Variants in PRELID2 observed in about 807,000 individuals in gnomAD.
PRELID2 encodes PRELI domain containing 2.
In PRELID2, 25 loss-of-function variants were observed where a neutral mutation model predicts 28.4. The ratio of observed to expected loss-of-function variants is 0.88; its 90% CI spans 0.64 to 1.23. PRELID2 has a LOEUF of 1.23. Among genes scored for constraint, PRELID2 ranks in the 50% most tolerant of loss-of-function variants. The pLI is 0.00. For missense variants in PRELID2, 201 were observed against 214.4 expected (o/e 0.94, Z 0.39); for synonymous variants, 76 against 71.6 (o/e 1.06, Z -0.31).
At chr5:145,559,551 C>A (rs909804449) in intron 1 of PRELID2, among the ~76,000 whole-genome samples, 4 of 152,138 alleles carry the variant, frequency 2.6e-5, no homozygotes, top group African/African-American at 7.2e-5. Flanking sequence ...AGCAATGCAT[C>A]TTAAAATCTT....
chr5:145,740,905 T>A (rs1300307613), intron 1 of PRELID2, among the ~76,000 whole-genome samples: 4 of 77,732 alleles, frequency 5.1e-5, no homozygotes, highest in African/African-American at 1.4e-4. Flanking sequence ...TCGATAAATA[T>A]ATATGTACAT....
At chr5:145,821,191 T>TGTGTGTGTGTGTGTGTG (rs1561649985) in intron 2 of PRELID2, among the ~76,000 whole-genome samples, 1 of 31,400 alleles carries the variant, frequency 3.2e-5, no homozygotes, top group African/African-American at 1.0e-4. Flanking sequence ...GTAAGTCCTC[T>TGTGTGTGTGTGTGTGTG]TCTGTGTGTG....
At chr5:145,409,203 A>G in the PRELID2 span, among the ~76,000 whole-genome samples, 2 of 152,206 alleles carry the variant, frequency 1.3e-5, no homozygotes. Flanking sequence ...CAGCACTACA[A>G]GAAGTGCAAA....
intron 1 of PRELID2, among the ~76,000 whole-genome samples, chr5:145,609,562 G>A (rs1192263335): frequency 1.3e-5 from 2 of 152,236 alleles, no homozygotes; most frequent in African/African-American, 4.8e-5. Flanking sequence ...GGAGAAGATG[G>A]GGTTGCACCT....
At chr5:145,827,955 A>C (rs1027073553) in intron 1 of PRELID2, among the ~76,000 whole-genome samples, 1 of 152,246 alleles carries the variant, frequency 6.6e-6, no homozygotes, top group Non-Finnish European at 1.5e-5. Flanking sequence ...GGTTTTAAAA[A>C]GTATACTGTG....
the PRELID2 span, among the ~76,000 whole-genome samples, chr5:145,420,294 T>C: frequency 4.6e-5 from 7 of 152,170 alleles, no homozygotes; most frequent in African/African-American, 1.4e-4. Context: ...TTGATGGGGA[T>C]GGCATTGAAT....
chr5:145,742,232 A>C (rs2149742026), intron 1 of PRELID2, among the ~76,000 whole-genome samples: 1 of 140,934 alleles, frequency 7.1e-6, no homozygotes, highest in Admixed American at 7.3e-5. Context: ...ATATATAAAT[A>C]AAATATATTT....
intron 1 of PRELID2, among the ~76,000 whole-genome samples, chr5:145,657,305 A>AT (rs1460149730): frequency 6.6e-6 from 1 of 152,182 alleles, no homozygotes; most frequent in Non-Finnish European, 1.5e-5. Context: ...CGTGAGAAGA[A>AT]AAGTTTTCAA....
chr5:145,728,468 G>A, intron 1 of PRELID2: 1 of 649,162 alleles, frequency 1.5e-6, no homozygotes, highest in Non-Finnish European at 2.8e-6. Context: ...AGATTGAAGG[G>A]AACAGGAAGT....
intron 1 of PRELID2, among the ~76,000 whole-genome samples, chr5:145,523,328 T>C (rs901807442): frequency 2.0e-5 from 3 of 152,340 alleles, no homozygotes; most frequent in South Asian, 2.1e-4. Flanking sequence ...GCTAACATTT[T>C]AAATAAACAG....
At chr5:145,656,409 C>A (rs912778907) in intron 1 of PRELID2, among the ~76,000 whole-genome samples, 4 of 152,078 alleles carry the variant, frequency 2.6e-5, no homozygotes, top group African/African-American at 9.7e-5. Flanking sequence ...TGGGTATATT[C>A]CCAAAGGATT....
the PRELID2 span, among the ~76,000 whole-genome samples, chr5:145,266,586 T>C: frequency 8.3e-4 from 126 of 152,288 alleles, no homozygotes; most frequent in African/African-American, 3.0e-3. Flanking sequence ...TTTACACTGT[T>C]AGTGGGAATG....
intron 5 of PRELID2, among the ~76,000 whole-genome samples, chr5:145,790,524 G>A (rs766500355): frequency 1.3e-5 from 2 of 151,856 alleles, no homozygotes; most frequent in Admixed American, 6.6e-5. Context: ...AAAAAGTTTC[G>A]GTTAGACAGG....
chr5:145,257,793 T>G, the PRELID2 span, among the ~76,000 whole-genome samples: 19 of 152,086 alleles, frequency 1.2e-4, no homozygotes, highest in Non-Finnish European at 2.5e-4. Flanking sequence ...CAAACCAATC[T>G]CAAGTGCATA....
the PRELID2 span, among the ~76,000 whole-genome samples, chr5:145,352,872 C>T: frequency 6.6e-6 from 1 of 152,156 alleles, no homozygotes; most frequent in East Asian, 1.9e-4. Context: ...TAACAAGAAT[C>T]ACCTTTATTC....
chr5:145,265,210 T>C, the PRELID2 span, among the ~76,000 whole-genome samples: 1 of 151,526 alleles, frequency 6.6e-6, no homozygotes, highest in Non-Finnish European at 1.5e-5. Flanking sequence ...TTACCATAGC[T>C]GCAAAAAATA....
intron 1 of PRELID2, among the ~76,000 whole-genome samples, chr5:145,690,609 G>A (rs542814770): frequency 3.9e-4 from 60 of 152,286 alleles, no homozygotes; most frequent in Non-Finnish European, 7.5e-4. Flanking sequence ...TCCTGGTGCC[G>A]TCATTTGAGG....
At chr5:145,389,925 A>G in the PRELID2 span, among the ~76,000 whole-genome samples, 1 of 152,226 alleles carries the variant, frequency 6.6e-6, no homozygotes. Context: ...AATGCTAGTA[A>G]TTGTGTGGGA....
rs554046966 is a variant in PRELID2, at chr5:145,643,103, G to A, written n.70+121828C>T. Among the ~76,000 whole-genome samples the A allele has an allele frequency of 1.1e-4, 17 of 152,216 alleles. No homozygotes were observed. The South Asian group carries it at 2.5e-3, about 22-fold the overall frequency. On this transcript the variant is annotated intron_variant and non_coding_transcript_variant, in intron 1 of 2. Transcript: ENST00000510259. ...TAGCATTGAACCTATAAATTACTTT[G>A]GGCAGTATGGCCATTTTCATAATGT...
Sources: gnomAD v4.1 joint callset for allele counts (sites outside exome capture counted in the v4.1 genomes callset) on GRCh38, gnomAD v4.1.1 for gene constraint, MANE v1.5 for transcripts, NCBI Gene and HGNC (gene_info 2026-07-23, HGNC 2026-07-21) for gene names.